AGBL4: variants seen among roughly 807,000 people sequenced by gnomAD.
AGBL4 encodes the protein AGBL carboxypeptidase 4.
AGBL4 carries 58 observed loss-of-function variants against 66.4 expected under a neutral mutation model. That is an observed-to-expected ratio of 0.87 (90% CI 0.71 to 1.09). The LOEUF (loss-of-function observed/expected upper bound fraction) is 1.09. Ranked by LOEUF, AGBL4 falls within the 50% of genes least tolerant of loss-of-function variation. AGBL4 has a pLI of 0.00. For missense variants in AGBL4, 579 were observed against 631.0 expected, an observed-to-expected ratio of 0.92 and a Z score of 0.88; for synonymous variants, 234 against 222.9, an observed-to-expected ratio of 1.05 and a Z score of -0.44.
chr1:49,645,137 A>G (rs1254949824), intron 3 of AGBL4, among the ~76,000 whole-genome samples: 1 of 151,526 alleles, frequency 6.6e-6, no homozygotes, highest in Non-Finnish European at 1.5e-5. Flanking sequence ...CAGTACCTAT[A>G]TTAGAAATAA....
chr1:49,182,044 G>A (rs759615394), intron 4 of AGBL4, among the ~76,000 whole-genome samples: 3 of 152,182 alleles, frequency 2.0e-5, no homozygotes, highest in Non-Finnish European at 4.4e-5. Flanking sequence ...AACTGCTCCA[G>A]ATGGCTACAG....
chr1:49,117,459 C>T (rs1162173575), intron 4 of AGBL4, among the ~76,000 whole-genome samples: 2 of 152,188 alleles, frequency 1.3e-5, no homozygotes, highest in East Asian at 3.8e-4. Flanking sequence ...TTTCCCAGCA[C>T]CATTTATTAA....
chr1:49,098,505 C>T (rs953248385), intron 4 of AGBL4, among the ~76,000 whole-genome samples: 5 of 152,188 alleles, frequency 3.3e-5, no homozygotes, highest in Admixed American at 6.5e-5. Context: ...TCCATCATCT[C>T]TAAAGGGCAA....
chr1:49,192,553 C>G (rs752126874), intron 4 of AGBL4, among the ~76,000 whole-genome samples: 11 of 152,218 alleles, frequency 7.2e-5, no homozygotes, highest in Non-Finnish European at 1.6e-4. Flanking sequence ...CCTGCCTTAG[C>G]CTCCCAAAGT....
At chr1:48,726,623 AAGTTT>A (rs1647291880) in intron 6 of AGBL4, among the ~76,000 whole-genome samples, 2 of 152,200 alleles carry the variant, frequency 1.3e-5, no homozygotes, top group South Asian at 4.1e-4. Flanking sequence ...CTCTGAGAAT[AAGTTT>A]AGTTAACTGA....
chr1:48,907,521 G>T lies in AGBL4; in HGVS notation c.595-40291C>A, dbSNP rs989088133. Among the ~76,000 whole-genome samples the T allele has an allele frequency of 2.6e-5, 4 of 152,074 alleles. No homozygotes were observed. The East Asian group carries it at 7.7e-4, about 29-fold the overall frequency. ...TTCTGGAGCAAGCCAGGGGGGAAAG[G>T]CCTGGTGGTAAGACACCCTGAAGCC... On this transcript the variant is annotated intron_variant, in intron 5 of 13. Transcript: ENST00000371839.
intron 9 of AGBL4, 101 bp from the exon 10 acceptor site, chr1:48,591,086 A>ACCCC (rs1644910461): frequency 1.7e-5 from 11 of 655,642 alleles, no homozygotes; most frequent in African/African-American, 1.4e-4. Context: ...ACACACACCC[A>ACCCC]CCCACCCCCC....
chr1:48,534,335 A>C, intron 13 of AGBL4, 42 bp from the exon 14 acceptor site: 1 of 1,522,850 alleles, frequency 6.6e-7, no homozygotes, highest in Non-Finnish European at 8.8e-7. Context: ...GACAGCCCAT[A>C]TACACACTGT....
chr1:49,950,052 GTATATATACACACA>G (rs1344187908), intron 1 of AGBL4, among the ~76,000 whole-genome samples: 1 of 132,510 alleles, frequency 7.5e-6, no homozygotes, highest in African/African-American at 2.8e-5. Flanking sequence ...ACACATATGT[GTATATATACACACA>G]TATATATACA....
chr1:49,355,260 T>C (rs1350791797), intron 3 of AGBL4, among the ~76,000 whole-genome samples: 1 of 152,144 alleles, frequency 6.6e-6, no homozygotes, highest in African/African-American at 2.4e-5. Context: ...CACCTCATAA[T>C]CTCCATCTCC....
chr1:49,947,312 C>T lies in AGBL4; in HGVS notation c.34+76451G>A, dbSNP rs191268530. Reference sequence around the variant, plus strand: ...AATCCTAAACAAAATACTACCTAACCCAATCTAACAACATATTGAAAAGTT... The same window carrying T: ...AATCCTAAACAAAATACTACCTAACTCAATCTAACAACATATTGAAAAGTT... On this transcript the variant is annotated intron_variant, in intron 1 of 13. Coordinates refer to ENST00000371839, the MANE Select transcript of AGBL4 (RefSeq NM_032785.4). 3.4e-3 allele frequency among the ~76,000 whole-genome samples: 514 copies of T among 151,908 alleles called. 1 individual carries two copies. The highest frequency in any genetic ancestry group is 0.012 in the African/African-American group (484 of 41,478).
In AGBL4 at chr1:49,080,347, T is replaced by C. The variant is rs377477294; in HGVS notation, c.378-34547A>G. The stretch of plus-strand genomic sequence containing the variant: ...AGAGGTTAGAGAACACCTGGAAGCA[T>C]AAAGAGAAAAGGGAAAGAGGGGCTA... On this transcript the variant is annotated intron_variant, in intron 4 of 13. Transcript: ENST00000371839. Among the ~76,000 whole-genome samples, 37 of 152,152 alleles carry C rather than the reference T, an allele frequency of 2.4e-4. No individual in the cohort carries two copies. In the East Asian group the frequency reaches 3.7e-3, roughly 15 times the overall value.
At chr1:48,739,550 T>C (rs1649588850) in intron 6 of AGBL4, among the ~76,000 whole-genome samples, 2 of 152,358 alleles carry the variant, frequency 1.3e-5, no homozygotes, top group South Asian at 4.1e-4. Context: ...GGATGGGTGC[T>C]GGAGCTGCCA....
At chr1:48,746,500 T>A (rs1650790986) in intron 6 of AGBL4, among the ~76,000 whole-genome samples, 1 of 152,232 alleles carries the variant, frequency 6.6e-6, no homozygotes, top group Non-Finnish European at 1.5e-5. Flanking sequence ...ATATTGAAGC[T>A]ACTATACTGA....
At position 48,810,379 on chromosome 1, in the gene AGBL4, C is replaced by T. The variant is rs1402157001; in HGVS notation, c.634+56812G>A. The stretch of plus-strand genomic sequence containing the variant: ...TCATCCTCTTCCGTGCAAGATGTGC[C>T]TGATTGATGTGGATAAGGGATCGGG... On this transcript the variant is annotated intron_variant, in intron 6 of 13. Transcript: ENST00000371839. Among the ~76,000 whole-genome samples, 4 of 152,196 alleles carry T rather than the reference C, an allele frequency of 2.6e-5. No individual in the cohort carries two copies. In the South Asian group the frequency reaches 6.2e-4, roughly 24 times the overall value.
At chr1:49,357,528 A>T (rs1426331319) in intron 3 of AGBL4, among the ~76,000 whole-genome samples, 1 of 152,192 alleles carries the variant, frequency 6.6e-6, no homozygotes, top group East Asian at 1.9e-4. Context: ...AAACACAGGT[A>T]CTAGAGTAAG....
intron 6 of AGBL4, among the ~76,000 whole-genome samples, chr1:48,693,261 TA>T (rs1285724619): frequency 6.6e-6 from 1 of 152,152 alleles, no homozygotes; most frequent in African/African-American, 2.4e-5. Flanking sequence ...AAAGGGAGTG[TA>T]TCTGAAGACT....
chr1:49,775,816 G>T (rs1326673025), intron 2 of AGBL4, among the ~76,000 whole-genome samples: 3 of 151,952 alleles, frequency 2.0e-5, no homozygotes, highest in Non-Finnish European at 4.4e-5. Flanking sequence ...ATAATATACA[G>T]AATATTACCA....
chr1:48,727,797 C>G, intron 6 of AGBL4: 7 of 1,291,780 alleles, frequency 5.4e-6, no homozygotes, highest in Non-Finnish European at 6.6e-6. Flanking sequence ...CACCACCATG[C>G]ACGGTGGGGT....
Sources: gnomAD v4.1 joint callset for allele counts (sites outside exome capture counted in the v4.1 genomes callset) on GRCh38, gnomAD v4.1.1 for gene constraint, MANE v1.5 for transcripts, NCBI Gene and HGNC (gene_info 2026-07-23, HGNC 2026-07-21) for gene names.